Variants in TASOR observed in about 807,000 individuals in gnomAD.
TASOR encodes the protein protein TASOR.
Under a neutral mutation model 178.6 loss-of-function variants are expected in TASOR, and 53 were observed. That is an observed-to-expected ratio of 0.30 (90% CI 0.24 to 0.37). TASOR has a LOEUF of 0.37. Among genes scored for constraint, TASOR ranks in the 10% least tolerant of loss-of-function variants. The pLI is 1.00. For missense variants in TASOR, 1,815 were observed against 1,971.4 expected (o/e 0.92, Z 1.50); for synonymous variants, 713 against 696.2 (o/e 1.02, Z -0.38).
chr3:56,669,652 C>A, intron 5 of TASOR, 48 bp downstream of exon 5: 1 of 1,199,852 alleles, frequency 8.3e-7, no homozygotes, highest in South Asian at 1.4e-5. Context: ...AATTAAAATC[C>A]AAATCAAGTG....
chr3:56,647,546 T>C (rs867909354), intron 13 of TASOR, among the ~76,000 whole-genome samples: 10 of 152,192 alleles, frequency 6.6e-5, no homozygotes, highest in South Asian at 4.1e-4. Flanking sequence ...AAGCAATATG[T>C]AAGAAGAAAC....
intron 7 of TASOR, 51 bp downstream of exon 7, chr3:56,666,209 T>C (rs947538803): frequency 7.0e-7 from 1 of 1,420,022 alleles, no homozygotes; most frequent in Non-Finnish European, 9.2e-7. Context: ...TAGTACAGGA[T>C]CTGTAGTAGA....
At chr3:56,648,148 C>A (rs950739538) in intron 13 of TASOR, among the ~76,000 whole-genome samples, 2 of 151,880 alleles carry the variant, frequency 1.3e-5, no homozygotes, top group African/African-American at 4.8e-5. Context: ...GAGGGCAAGG[C>A]TGTATGTAGT....
intron 6 of TASOR, among the ~76,000 whole-genome samples, chr3:56,667,785 AAC>A (rs1267958470): frequency 6.6e-6 from 1 of 152,232 alleles, no homozygotes; most frequent in African/African-American, 2.4e-5. Context: ...TAAAAAGACA[AAC>A]ACAAAAACAA....
At chr3:56,672,939 C>T (rs1472088803) in intron 2 of TASOR, among the ~76,000 whole-genome samples, 1 of 152,112 alleles carries the variant, frequency 6.6e-6, no homozygotes, top group Non-Finnish European at 1.5e-5. Flanking sequence ...TCCTGCCTCA[C>T]CCTCCCAAGA....
In TASOR at chr3:56,660,648, T is replaced by C. The variant is rs145118787; in HGVS notation, c.1368+83A>G. On this transcript the variant is annotated intron_variant, in intron 11 of 23. Coordinates refer to ENST00000683822, the MANE Select transcript of TASOR (RefSeq NM_001365635.2). ...CTCATGGTACTTTCAGAGGCAAAAA[T>C]AAACTGAAACACTAATATGATCACA... 8.3e-4 allele frequency: 899 copies of C among 1,079,380 alleles called. 7 individuals carry two copies. The African/African-American group carries it at 0.011, about 14-fold the overall frequency. 66.9% of individuals were successfully genotyped at this position (1,079,380 alleles called of 1,614,324 possible).
rs554357057 is a variant in TASOR at position 56,639,409 on chromosome 3, CCA to C, written c.2764+575_2764+576del. Among the ~76,000 whole-genome samples the C allele has an allele frequency of 9.9e-4, 81 of 81,886 alleles. No individual in the cohort carries two copies. In the South Asian group the frequency reaches 0.03, roughly 30 times the overall value. 53.7% of individuals were successfully genotyped at this position (81,886 alleles called of 152,430 possible). ...TTTGCACAGAGAAATTAGAATGCTA[CCA>C]AAAAAAAAAAAAGATAATATTTCAA... On this transcript the variant is annotated intron_variant, in intron 16 of 23. Coordinates refer to ENST00000683822, the MANE Select transcript of TASOR (RefSeq NM_001365635.2).
At chr3:56,644,805 C>T (rs1245721022) in intron 14 of TASOR, among the ~76,000 whole-genome samples, 1 of 152,164 alleles carries the variant, frequency 6.6e-6, no homozygotes, top group African/African-American at 2.4e-5. Flanking sequence ...ATTATAGTTA[C>T]TGCAAAGAAA....
chr3:56,669,662 G>A (rs1013315845), intron 5 of TASOR, 38 bp downstream of exon 5: 3 of 1,250,034 alleles, frequency 2.4e-6, no homozygotes, highest in Admixed American at 2.5e-5. Context: ...CAAATCAAGT[G>A]TAGTTTTTCA....
In TASOR at chr3:56,649,026, T is replaced by C. The variant is rs775967397; in HGVS notation, c.1400A>G (p.Tyr467Cys). The stretch of plus-strand genomic sequence containing the variant: ...CTGATAAGGGGAGAGAAGAAAAAGG[T>C]ATCCTCGGTCTCCCAAAGGTTTAAC... ...VLVKPLGDRG[Y>C]LFLLSPYQMV... Residue 467 changes from tyrosine to cysteine, a missense_variant, in exon 12 of 24, where the codon TAC becomes TGC. Tyr to Cys is a radical substitution (Grantham distance 194). Transcript: ENST00000683822. 8.7e-6 allele frequency: 14 copies of C among 1,609,240 alleles called. No individual in the cohort carries two copies. The Middle Eastern group carries it at 5.0e-4, about 57-fold the overall frequency.
intron 6 of TASOR, among the ~76,000 whole-genome samples, chr3:56,666,654 T>C (rs1475553006): frequency 6.6e-6 from 1 of 152,194 alleles, no homozygotes; most frequent in Non-Finnish European, 1.5e-5. Flanking sequence ...GGGAGTTTCC[T>C]AATAAAAATA....
At chr3:56,667,238 T>C (rs1022451362) in intron 6 of TASOR, among the ~76,000 whole-genome samples, 1 of 152,198 alleles carries the variant, frequency 6.6e-6, no homozygotes, top group African/African-American at 2.4e-5. Context: ...ACAACAATAG[T>C]TCTTAAAATT....
At chr3:56,652,941 C>T (rs2077381803) in intron 11 of TASOR, among the ~76,000 whole-genome samples, 2 of 152,070 alleles carry the variant, frequency 1.3e-5, no homozygotes, top group Admixed American at 6.6e-5. Flanking sequence ...GGTTAACAGA[C>T]GTGGAAAATA....
chr3:56,622,364 G>A lies in TASOR; in HGVS notation c.*673C>T, dbSNP rs926384668. On this transcript the variant is annotated 3_prime_UTR_variant, in exon 24 of 24. Transcript: ENST00000683822. ...TAATTTAAAAATCAAATTGTTCAAC[G>A]CCTTTGATAAACAGAAGCCTATCTT... 1 of 151,952 alleles carries A rather than the reference G, an allele frequency of 6.6e-6. No homozygotes were observed. Among genetic ancestry groups the A allele is most frequent in the African/African-American group, 2.4e-5 (1 of 41,374 alleles). The allele number at this position is 151,952 out of a possible 1,614,324, so 9.4% of individuals were successfully genotyped here. A position where few individuals can be genotyped will look rare whatever the true frequency, so the allele number is the denominator to read the frequency against.
chr3:56,660,786 G>T lies in TASOR; in HGVS notation c.1313C>A (p.Thr438Lys), dbSNP rs1479081087. 3 of 1,613,662 alleles carry T rather than the reference G, an allele frequency of 1.9e-6. No individual in the cohort carries two copies. The highest frequency in any genetic ancestry group is 1.7e-6 in the Non-Finnish European group (2 of 1,179,954). ...ACTCTCCATGTTACTTCCAATTCTT[G>T]TCTTTTCCACAACTTCATAAAGGCT... ...YCSLYEVVEKTRIGSNMESLL... is the reference protein window; with the variant it reads ...YCSLYEVVEKKRIGSNMESLL... Residue 438 changes from threonine to lysine, a missense_variant, in exon 11 of 24, where the codon ACA becomes AAA. Around this residue, in one of 5 missense-constraint regions of TASOR, gnomAD observed 504 missense variants for 645.3 expected, o/e 0.78. Transcript: ENST00000683822.
Position 56,669,796 on chromosome 3 carries a change from A to G in TASOR, c.644-5T>C. The G allele has an allele frequency of 6.6e-7, 1 of 1,519,728 alleles. No individual in the cohort carries two copies. The highest frequency in any genetic ancestry group is 8.8e-7 in the Non-Finnish European group (1 of 1,132,356). The allele number at this position is 1,519,728 out of a possible 1,614,324, so 94.1% of individuals were successfully genotyped here. A position where few individuals can be genotyped will look rare whatever the true frequency, so the allele number is the denominator to read the frequency against. On this transcript the variant is annotated splice_polypyrimidine_tract_variant and splice_region_variant and intron_variant, in intron 4 of 23. Coordinates refer to ENST00000683822, the MANE Select transcript of TASOR (RefSeq NM_001365635.2). ...CATACCTAGAAAGATAGACACCTAG[A>G]AAAGACGGAAAAATTAAGGAAACTG...
At chr3:56,670,512 CA>C (rs1480828122) in intron 3 of TASOR, among the ~76,000 whole-genome samples, 13 of 152,276 alleles carry the variant, frequency 8.5e-5, no homozygotes, top group African/African-American at 3.1e-4. Context: ...GGCTACTTTT[CA>C]ATCATTTTTC....
intron 18 of TASOR, among the ~76,000 whole-genome samples, chr3:56,632,469 T>C (rs1228695677): frequency 5.9e-5 from 6 of 101,236 alleles, no homozygotes; most frequent in African/African-American, 3.5e-4. Context: ...AAGGAGACTC[T>C]GTCTCAAAAA....
Position 56,621,212 on chromosome 3 carries a change from A to ACTC in TASOR, c.*1822_*1824dup, listed in dbSNP as rs1244253193. ...AAAAAAACACTGTATGTTAAGGGAG[A>ACTC]CTCCTTCAGTATCTAAGAGCACTTG... is the stretch of plus-strand genomic sequence containing the variant. On this transcript the variant is annotated 3_prime_UTR_variant, in exon 24 of 24. Transcript: ENST00000683822. 5.3e-6 allele frequency: 1 copy of ACTC among 189,834 alleles called. No homozygotes were observed. The highest frequency in any genetic ancestry group is 2.4e-5 in the African/African-American group (1 of 42,504). 11.8% of individuals were successfully genotyped at this position (189,834 alleles called of 1,614,324 possible).
Sources: gnomAD v4.1 joint callset for allele counts (sites outside exome capture counted in the v4.1 genomes callset) on GRCh38, gnomAD v4.1.1 for gene constraint, gnomAD v4.1.1 regional missense constraint, MANE v1.5 for transcripts, NCBI Gene and HGNC (gene_info 2026-07-23, HGNC 2026-07-21) for gene names.